SLC35F1: variants seen among roughly 807,000 people sequenced by gnomAD.
SLC35F1 encodes the protein solute carrier family 35 member F1.
Under a neutral mutation model 48.7 loss-of-function variants are expected in SLC35F1, and 14 were observed. That is an observed-to-expected ratio of 0.29 (90% CI 0.19 to 0.45). The LOEUF is 0.45. SLC35F1 is among the 20% of genes least tolerant of loss of function. The probability of loss-of-function intolerance (pLI) is 1.00; values close to 1 mark genes in which losing one functional copy is unlikely to be tolerated. For synonymous variants in SLC35F1, 190 were observed against 202.2 expected, an observed-to-expected ratio of 0.94 and a Z score of 0.51; for missense variants, 404 against 500.0, an observed-to-expected ratio of 0.81 and a Z score of 1.83.
intron 1 of SLC35F1, among the ~76,000 whole-genome samples, chr6:117,946,906 G>A (rs1414434100): frequency 2.6e-5 from 4 of 152,176 alleles, no homozygotes; most frequent in African/African-American, 7.2e-5. Context: ...TTTAACAGGT[G>A]TTTACTGAGT....
At chr6:118,056,429 T>A (rs1772464338) in intron 1 of SLC35F1, among the ~76,000 whole-genome samples, 2 of 152,212 alleles carry the variant, frequency 1.3e-5, no homozygotes, top group Admixed American at 1.3e-4. Context: ...TATTTCAGAT[T>A]AACATAAAAG....
intron 1 of SLC35F1, among the ~76,000 whole-genome samples, chr6:118,136,118 T>C (rs1418085894): frequency 6.6e-6 from 1 of 152,220 alleles, no homozygotes; most frequent in Non-Finnish European, 1.5e-5. Flanking sequence ...GCTGTGAGCA[T>C]GTGGTACCTC....
intron 1 of SLC35F1, among the ~76,000 whole-genome samples, chr6:118,077,001 A>G (rs1284327376): frequency 6.6e-6 from 1 of 152,144 alleles, no homozygotes; most frequent in Non-Finnish European, 1.5e-5. Flanking sequence ...CGTCTTCTCC[A>G]TCTATATCAC....
At chr6:117,980,055 C>T (rs1231285356) in intron 1 of SLC35F1, among the ~76,000 whole-genome samples, 8 of 152,138 alleles carry the variant, frequency 5.3e-5, no homozygotes, top group Admixed American at 4.6e-4. Context: ...TTTTACTCAT[C>T]GAATGGGTTT....
intron 1 of SLC35F1, among the ~76,000 whole-genome samples, chr6:118,036,911 A>G (rs967384655): frequency 6.6e-6 from 1 of 152,174 alleles, no homozygotes; most frequent in Non-Finnish European, 1.5e-5. Context: ...GAGGGGTGTT[A>G]TGACCTCTAA....
chr6:117,991,473 T>C (rs1448388045), intron 1 of SLC35F1, among the ~76,000 whole-genome samples: 1 of 152,154 alleles, frequency 6.6e-6, no homozygotes, highest in Non-Finnish European at 1.5e-5. Context: ...GAACATGAAG[T>C]TTTTTTAAAT....
At chr6:117,989,951 A>G (rs1383037318) in intron 1 of SLC35F1, among the ~76,000 whole-genome samples, 1 of 152,182 alleles carries the variant, frequency 6.6e-6, no homozygotes, top group African/African-American at 2.4e-5. Context: ...GAATAAAACT[A>G]TATATATGTG....
At chr6:117,912,234 A>G (rs1458910344) in intron 1 of SLC35F1, among the ~76,000 whole-genome samples, 1 of 152,208 alleles carries the variant, frequency 6.6e-6, no homozygotes, top group Non-Finnish European at 1.5e-5. Flanking sequence ...CTGATTTCCA[A>G]CTTATATTTA....
At chr6:118,129,508 G>C (rs1773678706) in intron 1 of SLC35F1, among the ~76,000 whole-genome samples, 1 of 152,140 alleles carries the variant, frequency 6.6e-6, no homozygotes, top group Non-Finnish European at 1.5e-5. Flanking sequence ...CAGATTGAAG[G>C]GGGACCCTGA....
At chr6:118,224,038 A>G (rs557298881) in intron 2 of SLC35F1, among the ~76,000 whole-genome samples, 1 of 152,354 alleles carries the variant, frequency 6.6e-6, no homozygotes, top group East Asian at 1.9e-4. Flanking sequence ...AAAGGCAAAT[A>G]GGGTCACTTT....
chr6:118,260,978 T>C (rs1034849771), intron 3 of SLC35F1, among the ~76,000 whole-genome samples: 1 of 152,230 alleles, frequency 6.6e-6, no homozygotes, highest in Admixed American at 6.5e-5. Flanking sequence ...AGTTACTCTG[T>C]TCACTTGACT....
At chr6:117,923,100 CAA>C (rs1450087601) in intron 1 of SLC35F1, among the ~76,000 whole-genome samples, 2 of 152,144 alleles carry the variant, frequency 1.3e-5, no homozygotes, top group Non-Finnish European at 1.5e-5. Flanking sequence ...CAAATTTTGA[CAA>C]GTTTGCTGAA....
intron 3 of SLC35F1, 64 bp from the exon 4 acceptor site, chr6:118,266,931 C>A (rs1280654256): frequency 3.2e-6 from 5 of 1,573,562 alleles, no homozygotes; most frequent in Non-Finnish European, 4.4e-6. Context: ...ATTACTTTTC[C>A]CTACTACATG....
At chr6:118,229,289 T>C (rs1775258810) in intron 2 of SLC35F1, among the ~76,000 whole-genome samples, 1 of 152,168 alleles carries the variant, frequency 6.6e-6, no homozygotes, top group African/African-American at 2.4e-5. Flanking sequence ...GGAAAAATTC[T>C]CTCATAGACT....
intron 3 of SLC35F1, among the ~76,000 whole-genome samples, chr6:118,247,349 C>T (rs776753864): frequency 9.2e-5 from 14 of 152,034 alleles, no homozygotes; most frequent in African/African-American, 1.2e-4. Flanking sequence ...AGATTAATGA[C>T]GCTGCTGCTA....
At chr6:118,265,568 G>A (rs1253936852) in intron 3 of SLC35F1, among the ~76,000 whole-genome samples, 1 of 152,132 alleles carries the variant, frequency 6.6e-6, no homozygotes. Flanking sequence ...CCAGAAGGAG[G>A]AGTGTACATA....
At chr6:117,947,382 C>T (rs1018252267) in intron 1 of SLC35F1, among the ~76,000 whole-genome samples, 9 of 152,066 alleles carry the variant, frequency 5.9e-5, no homozygotes, top group Admixed American at 6.6e-5. Context: ...AGAAGGGCCC[C>T]GCAAACCATT....
chr6:118,150,955 A>C (rs1428578032), intron 1 of SLC35F1, among the ~76,000 whole-genome samples: 2 of 152,080 alleles, frequency 1.3e-5, no homozygotes, highest in Non-Finnish European at 2.9e-5. Context: ...CTTGGTTTTC[A>C]TGACACCAAT....
chr6:118,167,227 C>T (rs887171370), intron 2 of SLC35F1, among the ~76,000 whole-genome samples: 2 of 152,220 alleles, frequency 1.3e-5, no homozygotes, highest in South Asian at 2.1e-4. Context: ...CCTGTAACTG[C>T]GCAAGAGTAC....
Sources: gnomAD v4.1 joint callset for allele counts (sites outside exome capture counted in the v4.1 genomes callset) on GRCh38, gnomAD v4.1.1 for gene constraint, MANE v1.5 for transcripts, NCBI Gene and HGNC (gene_info 2026-07-23, HGNC 2026-07-21) for gene names.